PTPRU: variants seen among roughly 807,000 people sequenced by gnomAD.
The protein encoded by PTPRU is protein tyrosine phosphatase receptor type U.
Under a neutral mutation model 166.3 loss-of-function variants are expected in PTPRU, and 69 were observed. That is an observed-to-expected ratio of 0.41 (90% confidence interval 0.34 to 0.51). The LOEUF (loss-of-function observed/expected upper bound fraction) is 0.51, where lower values mean the gene tolerates loss of function less well. Ranked by LOEUF, PTPRU falls within the 20% of genes least tolerant of loss-of-function variation. The pLI is 0.09. For missense variants in PTPRU, 1,657 were observed against 2,013.7 expected, an observed-to-expected ratio of 0.82 and a Z score of 3.39; for synonymous variants, 793 against 814.0, an observed-to-expected ratio of 0.97 and a Z score of 0.44.
chr1:29,270,736 G>A (rs1012922005), intron 7 of PTPRU, among the ~76,000 whole-genome samples: 5 of 152,196 alleles, frequency 3.3e-5, no homozygotes, highest in African/African-American at 1.2e-4. Context: ...GCTGAGGCAG[G>A]TGGATCACTT....
rs2295061 is a variant in PTPRU at position 29,303,943 on chromosome 1, C to T, written c.2565C>T (p.Tyr855=). The part of the protein sequence containing the change: ...RRPCGRKGSP[Y]HTGQLHPAVR... ...CCTGTGGCCGGAAGGGCTCCCCATA[C>T]CACACGGGGCAGCTGCACCCTGCGG... The change falls in exon 16 of 30, where the codon TAC becomes TAT. Residue 855 remains tyrosine, a synonymous_variant. Coordinates refer to ENST00000373779, the MANE Select transcript of PTPRU (RefSeq NM_133178.4). 317,802 of 1,613,704 alleles carry T rather than the reference C, an allele frequency of 0.2. 40,768 individuals are homozygous for T. The highest frequency in any genetic ancestry group is 0.64 in the East Asian group (28,853 of 44,838).
rs199905412 is a variant in PTPRU at position 29,289,712 on chromosome 1, C to T, written c.2319-2157C>T. ...GACCACTATGCCTACTCCTACTACCCGTAAGTAGCTCTACCTTGCCTGGGA... is the reference window on the plus strand; with the variant it reads ...GACCACTATGCCTACTCCTACTACCTGTAAGTAGCTCTACCTTGCCTGGGA... On this transcript the variant is annotated intron_variant, in intron 14 of 29. Coordinates refer to ENST00000373779, the MANE Select transcript of PTPRU (RefSeq NM_133178.4). 1.7e-5 allele frequency: 27 copies of T among 1,613,998 alleles called. 1 individual carries two copies. The Middle Eastern group carries it at 1.7e-3, about 99-fold the overall frequency.
chr1:29,317,831 C>G lies in PTPRU; in HGVS notation c.3597C>G (p.Ser1199Arg), dbSNP rs766483890. Residue 1199 changes from serine to arginine, a missense_variant, in exon 25 of 30, where the codon AGC (serine) becomes AGG (arginine). This residue lies in a region of PTPRU where 1,190 missense variants were observed against 1,477.4 expected (regional missense o/e 0.81). Coordinates refer to ENST00000373779, the MANE Select transcript of PTPRU (RefSeq NM_133178.4). The surrounding 1 kb of genome is among the most constrained non-coding windows in gnomAD (Gnocchi z 5.6). ...CCCGGAACCGCGACAAGAACCGCAG[C>G]ATGGACGTCCTGCCGCCCGACCGCT... The part of the protein sequence containing the change: ...LLPRNRDKNR[S>R]MDVLPPDRCL... 10 of 1,613,728 alleles carry G rather than the reference C, an allele frequency of 6.2e-6. No individual in the cohort carries two copies. The highest frequency in any genetic ancestry group is 6.8e-6 in the Non-Finnish European group (8 of 1,180,040).
intron 1 of PTPRU, among the ~76,000 whole-genome samples, chr1:29,250,063 T>TG (rs11420729): frequency 0.78 from 118,491 of 152,046 alleles, 46,368 homozygotes; most frequent in African/African-American, 0.81. Flanking sequence ...TTGCCACAAA[T>TG]CCTTCCACCC....
At position 29,320,734 on chromosome 1, in the gene PTPRU, G is replaced by A; in HGVS notation, c.3737G>A (p.Ser1246Asn). The A allele has an allele frequency of 3.1e-6, 5 of 1,608,892 alleles. No individual in the cohort carries two copies. The highest frequency in any genetic ancestry group is 4.3e-6 in the Non-Finnish European group (5 of 1,175,958). The change falls in exon 26 of 30, where the codon AGC becomes AAC. Residue 1246 changes from serine (S) to asparagine (N), a missense_variant. Ser to Asn is a conservative substitution (Grantham distance 46). Coordinates refer to ENST00000373779, the MANE Select transcript of PTPRU (RefSeq NM_133178.4). The surrounding 1 kb of genome is among the most constrained non-coding windows in gnomAD (Gnocchi z 5.2). ...ATCGTGACCCTGCACCCGCTGCAGA[G>A]CACCACGCCCGACTTCTGGCGGCTG... is the stretch of plus-strand genomic sequence containing the variant. ...AFIVTLHPLQ[S>N]TTPDFWRLVY...
At chr1:29,253,851 T>A (rs934731337) in intron 1 of PTPRU, among the ~76,000 whole-genome samples, 1 of 152,008 alleles carries the variant, frequency 6.6e-6, no homozygotes, top group Non-Finnish European at 1.5e-5. Flanking sequence ...GAGCTGCTAT[T>A]TCCTGAGTGC....
At chr1:29,296,215 T>C (rs528673605) in intron 15 of PTPRU, among the ~76,000 whole-genome samples, 1 of 152,360 alleles carries the variant, frequency 6.6e-6, no homozygotes, top group African/African-American at 2.4e-5. Flanking sequence ...TTCCTGACTT[T>C]AACAGGAATG....
At chr1:29,272,906 C>CAA (rs57076551) in intron 7 of PTPRU, among the ~76,000 whole-genome samples, 10,599 of 53,926 alleles carry the variant, frequency 0.2, 1,035 homozygotes, top group East Asian at 0.61. Flanking sequence ...GACCTTGTCT[C>CAA]AAAAAAAAAA....
At chr1:29,312,088 G>T (rs1198538419) in intron 21 of PTPRU, among the ~76,000 whole-genome samples, 1 of 152,222 alleles carries the variant, frequency 6.6e-6, no homozygotes, top group Admixed American at 6.5e-5. Context: ...AGAAAGTGAG[G>T]CTCAGAGGGC....
In PTPRU at chr1:29,325,808, C is replaced by G. The variant is rs549940917; in HGVS notation, c.*147C>G. On this transcript the variant is annotated 3_prime_UTR_variant, in exon 30 of 30. Transcript: ENST00000373779. The stretch of plus-strand genomic sequence containing the variant: ...TGGATGCTGGGCTATCTTGCTCCCC[C>G]TTCCACTGTGGGCAGGGCCTTTCGC... 1 of 921,896 alleles carries G rather than the reference C, an allele frequency of 1.1e-6. No homozygotes were observed. The highest frequency in any genetic ancestry group is 1.6e-6 in the Non-Finnish European group (1 of 635,202). The allele number at this position is 921,896 out of a possible 1,614,324, so 57.1% of individuals were successfully genotyped here. A position where few individuals can be genotyped will look rare whatever the true frequency, so the allele number is the denominator to read the frequency against.
intron 18 of PTPRU, among the ~76,000 whole-genome samples, chr1:29,308,809 AGC>A (rs1421429327): frequency 2.6e-5 from 4 of 152,054 alleles, no homozygotes; most frequent in Non-Finnish European, 5.9e-5. Context: ...GGATTGCTTG[AGC>A]CCAGGAGTTA....
intron 18 of PTPRU, among the ~76,000 whole-genome samples, chr1:29,308,986 T>A (rs1049977419): frequency 4.6e-5 from 7 of 152,164 alleles, no homozygotes; most frequent in Non-Finnish European, 1.0e-4. Context: ...GACAGTGGCA[T>A]GGAGCGACAG....
chr1:29,259,685 T>G lies in PTPRU; in HGVS notation c.675+121T>G, dbSNP rs974761026. 6 of 1,236,450 alleles carry G rather than the reference T, an allele frequency of 4.9e-6. No homozygotes were observed. In the African/African-American group the frequency reaches 9.1e-5, roughly 19 times the overall value. 76.6% of individuals were successfully genotyped at this position (1,236,450 alleles called of 1,614,324 possible). ...TCATACTCCAGCACTGCGCACAGCG[T>G]CCCGGCCCTCCCCTAGCTCTGCTCT... is the stretch of plus-strand genomic sequence containing the variant. On this transcript the variant is annotated intron_variant, in intron 5 of 29. Coordinates refer to ENST00000373779, the MANE Select transcript of PTPRU (RefSeq NM_133178.4).
intron 8 of PTPRU, among the ~76,000 whole-genome samples, chr1:29,277,693 T>C (rs2151951932): frequency 6.6e-6 from 1 of 152,024 alleles, no homozygotes; most frequent in Middle Eastern, 3.4e-3. Context: ...GACAACCCTA[T>C]GTGGTAGGTT....
At chr1:29,293,516 C>T (rs1239757185) in intron 15 of PTPRU, among the ~76,000 whole-genome samples, 2 of 151,320 alleles carry the variant, frequency 1.3e-5, no homozygotes, top group East Asian at 3.9e-4. Flanking sequence ...CCTCTGTCAC[C>T]CAGGCTGGAG....
intron 1 of PTPRU, among the ~76,000 whole-genome samples, chr1:29,243,528 G>A (rs561820565): frequency 1.7e-3 from 258 of 152,322 alleles, no homozygotes; most frequent in Non-Finnish European, 3.0e-3. Flanking sequence ...TTCTCACCTC[G>A]TGGTGGGGGT....
At chr1:29,243,232 G>A (rs1160866417) in intron 1 of PTPRU, among the ~76,000 whole-genome samples, 1 of 152,090 alleles carries the variant, frequency 6.6e-6, no homozygotes, top group African/African-American at 2.4e-5. Flanking sequence ...ACCACCCTGT[G>A]GCTGGAATAA....
At chr1:29,248,730 A>G (rs1684406553) in intron 1 of PTPRU, among the ~76,000 whole-genome samples, 1 of 151,970 alleles carries the variant, frequency 6.6e-6, no homozygotes, top group Non-Finnish European at 1.5e-5. Flanking sequence ...TGACACATAC[A>G]CGTATGCACA....
intron 7 of PTPRU, 104 bp downstream of exon 7, chr1:29,261,007 A>G: frequency 7.9e-7 from 1 of 1,267,960 alleles, no homozygotes; most frequent in East Asian, 3.0e-5. Flanking sequence ...CCTTTCTAAA[A>G]CATTGTGATT....
Sources: gnomAD v4.1 joint callset for allele counts (sites outside exome capture counted in the v4.1 genomes callset) on GRCh38, gnomAD v4.1.1 for gene constraint, gnomAD v4.1.1 regional missense constraint, Gnocchi (gnomAD v3.1) non-coding constraint, MANE v1.5 for transcripts, NCBI Gene and HGNC (gene_info 2026-07-23, HGNC 2026-07-21) for gene names.